GPC3: variants seen among roughly 807,000 people sequenced by gnomAD.
GPC3 encodes the protein glypican-3.
A neutral mutation model predicts 34.4 loss-of-function variants in GPC3; 3 were observed. The ratio of observed to expected loss-of-function variants is 0.09; its 90% CI spans 0.04 to 0.23. GPC3 has a LOEUF of 0.23. GPC3 is among the 10% of genes least tolerant of loss of function. The probability of loss-of-function intolerance (pLI) is 1.00; values close to 1 mark genes in which losing one functional copy is unlikely to be tolerated. For synonymous variants in GPC3, 177 were observed against 174.0 expected (o/e 1.02, Z -0.13); for missense variants, 351 against 445.6 (o/e 0.79, Z 1.91).
At chrX:133,927,902 G>A (rs2076282665) in intron 2 of GPC3, among the ~76,000 whole-genome samples, 1 of 106,843 alleles carries the variant, frequency 9.4e-6, no homozygotes, top group Admixed American at 1.0e-4. Context: ...TACTATAGTG[G>A]AACAAATTAA....
intron 7 of GPC3, among the ~76,000 whole-genome samples, chrX:133,575,145 A>G (rs1250618311): frequency 8.9e-6 from 1 of 111,852 alleles, no homozygotes; most frequent in African/African-American, 3.2e-5. Context: ...TTTTTACTTA[A>G]TCTCTCTGAG....
intron 6 of GPC3, among the ~76,000 whole-genome samples, chrX:133,610,048 C>T (rs2070094006): frequency 8.9e-6 from 1 of 111,976 alleles, no homozygotes; most frequent in African/African-American, 3.2e-5. Context: ...CAAGACAGCC[C>T]TCTTGTTTTT....
At chrX:133,795,911 T>C (rs1165791884) in intron 2 of GPC3, among the ~76,000 whole-genome samples, 1 of 109,595 alleles carries the variant, frequency 9.1e-6, no homozygotes, top group Non-Finnish European at 1.9e-5. Context: ...CTCTTTTAAA[T>C]TTAAAAGGCT....
chrX:133,690,399 T>C (rs1603226005), intron 5 of GPC3, among the ~76,000 whole-genome samples: 1 of 111,677 alleles, frequency 9.0e-6, no homozygotes, highest in South Asian at 3.8e-4. Context: ...TGCCCTTCCC[T>C]TACAGAGGAG....
chrX:133,836,271 C>G (rs1222142258), intron 2 of GPC3, among the ~76,000 whole-genome samples: 2 of 113,121 alleles, frequency 1.8e-5, no homozygotes, highest in African/African-American at 3.2e-5. Context: ...CAGCACAGCT[C>G]TATAATTCAA....
intron 2 of GPC3, among the ~76,000 whole-genome samples, chrX:133,767,004 T>C (rs936110747): frequency 2.7e-5 from 3 of 112,452 alleles, no homozygotes; most frequent in African/African-American, 9.7e-5. Context: ...CACAGAGAAG[T>C]AACTTAGAAA....
chrX:133,576,856 T>C (rs1603170236), intron 7 of GPC3, among the ~76,000 whole-genome samples: 1 of 109,295 alleles, frequency 9.1e-6, no homozygotes, highest in South Asian at 4.0e-4. Context: ...GACAGAAGAA[T>C]TGAAGACATC....
chrX:133,942,700 T>C (rs1053058988), intron 2 of GPC3, among the ~76,000 whole-genome samples: 2 of 111,462 alleles, frequency 1.8e-5, no homozygotes, highest in Non-Finnish European at 1.9e-5. Flanking sequence ...GAAATACTTA[T>C]TTGTGTAGCA....
intron 2 of GPC3, among the ~76,000 whole-genome samples, chrX:133,834,723 A>G (rs919195408): frequency 1.8e-5 from 2 of 112,209 alleles, no homozygotes; most frequent in Non-Finnish European, 3.8e-5. Flanking sequence ...TTATGATTTA[A>G]TATTACACAC....
chrX:133,601,618 G>C (rs1450049410), intron 6 of GPC3, among the ~76,000 whole-genome samples: 1 of 111,392 alleles, frequency 9.0e-6, no homozygotes, highest in African/African-American at 3.3e-5. Flanking sequence ...CTGTTATTTT[G>C]CTTTTATAAA....
intron 2 of GPC3, among the ~76,000 whole-genome samples, chrX:133,948,891 G>A (rs954099343): frequency 2.7e-5 from 3 of 112,169 alleles, no homozygotes; most frequent in African/African-American, 9.7e-5. Context: ...CGAGGTTAAT[G>A]TCTGTAATGA....
intron 7 of GPC3, among the ~76,000 whole-genome samples, chrX:133,548,532 G>A (rs1302198699): frequency 8.9e-6 from 1 of 111,986 alleles, no homozygotes; most frequent in Non-Finnish European, 1.9e-5. Flanking sequence ...ATGGCTCAAG[G>A]CCCTGAAAAC....
chrX:133,833,255 T>TAG (rs2075784086), intron 2 of GPC3, among the ~76,000 whole-genome samples: 1 of 111,491 alleles, frequency 9.0e-6, no homozygotes, highest in African/African-American at 3.3e-5. Context: ...TGAGCTTGAT[T>TAG]AGAGGCTAAA....
intron 2 of GPC3, among the ~76,000 whole-genome samples, chrX:133,832,677 T>A (rs1173175929): frequency 3.6e-5 from 4 of 111,911 alleles, no homozygotes; most frequent in African/African-American, 9.7e-5. Flanking sequence ...ATACTTGCCA[T>A]AAAAATATAG....
intron 6 of GPC3, among the ~76,000 whole-genome samples, chrX:133,627,224 C>T (rs1031223129): frequency 2.3e-4 from 24 of 106,060 alleles, no homozygotes; most frequent in Admixed American, 5.1e-4. Flanking sequence ...AATGACGAGT[C>T]AATGGGTGCA....
chrX:133,692,059 C>T (rs2071069390), intron 5 of GPC3, among the ~76,000 whole-genome samples: 1 of 112,708 alleles, frequency 8.9e-6, no homozygotes, highest in Non-Finnish European at 1.9e-5. Flanking sequence ...AATGATCCTT[C>T]TGCCTCAGCC....
At position 133,566,158 on chromosome X, in the gene GPC3, A is replaced by G. The variant is rs192292945; in HGVS notation, c.1574-29865T>C. ...TTTTAAGCACAATTGAGCTTTACAC[A>G]TAGAACTTGTCAGGTTCCAACATGA... On this transcript the variant is annotated intron_variant, in intron 7 of 7. Transcript: ENST00000370818. Among the ~76,000 whole-genome samples, 5 of 112,284 alleles carry G rather than the reference A, an allele frequency of 4.5e-5. No homozygotes were observed. The East Asian group carries it at 1.4e-3, about 31-fold the overall frequency.
chrX:133,729,617 C>T (rs949141891), intron 3 of GPC3, among the ~76,000 whole-genome samples: 8 of 111,613 alleles, frequency 7.2e-5, no homozygotes, highest in African/African-American at 2.6e-4. Context: ...CAAAAGTACT[C>T]AACAAATATG....
chrX:133,640,970 C>A (rs1425022868), intron 6 of GPC3, among the ~76,000 whole-genome samples: 1 of 110,273 alleles, frequency 9.1e-6, no homozygotes, highest in African/African-American at 3.3e-5. Context: ...GAAAAAAAAT[C>A]AGTTGGGGCC....
Sources: gnomAD v4.1 joint callset for allele counts (sites outside exome capture counted in the v4.1 genomes callset) on GRCh38, gnomAD v4.1.1 for gene constraint, MANE v1.5 for transcripts, NCBI Gene and HGNC (gene_info 2026-07-23, HGNC 2026-07-21) for gene names.